Variants in GPC5 observed in about 807,000 individuals in gnomAD.
GPC5 encodes the protein glypican 5.
GPC5 carries 47 observed loss-of-function variants against 53.9 expected under a neutral mutation model. The ratio of observed to expected loss-of-function variants is 0.87; its 90% confidence interval spans 0.69 to 1.11. The LOEUF is 1.11. Among genes scored for constraint, GPC5 ranks in the 50% most tolerant of loss-of-function variants. The pLI, the probability that GPC5 is intolerant of heterozygous loss-of-function variation, is 0.00. For synonymous variants in GPC5, 286 were observed against 263.3 expected (o/e 1.09, Z -0.84); for missense variants, 748 against 713.1 (o/e 1.05, Z -0.56).
intron 1 of GPC5, among the ~76,000 whole-genome samples, chr13:91,433,464 C>T (rs1407613817): frequency 6.7e-6 from 1 of 149,762 alleles, no homozygotes; most frequent in East Asian, 2.0e-4. Flanking sequence ...GGTTTTTTGT[C>T]CTCGTGATAG....
At position 91,994,325 on chromosome 13, in the gene GPC5, A is replaced by G. The variant is rs185610553; in HGVS notation, c.1401+86268A>G. ...TATCCATAATTGTGCCTGACACGTT[A>G]CTACTGCATCATCTAAGCTACAAAT... On this transcript the variant is annotated intron_variant, in intron 6 of 7. Coordinates refer to ENST00000377067, the MANE Select transcript of GPC5 (RefSeq NM_004466.6). 8.5e-4 allele frequency among the ~76,000 whole-genome samples: 130 copies of G among 152,332 alleles called. 1 individual carries two copies. The highest frequency in any genetic ancestry group is 3.0e-3 in the African/African-American group (123 of 41,582).
chr13:92,397,362 C>T (rs1479105148), intron 7 of GPC5, among the ~76,000 whole-genome samples: 1 of 152,182 alleles, frequency 6.6e-6, no homozygotes. Flanking sequence ...TTACTTGGCT[C>T]TCTAATTCTC....
chr13:92,156,456 T>C (rs1487151674), intron 7 of GPC5, among the ~76,000 whole-genome samples: 1 of 152,152 alleles, frequency 6.6e-6, no homozygotes, highest in Non-Finnish European at 1.5e-5. Context: ...GCTGCATTGC[T>C]TCCCTCTGTT....
chr13:92,479,384 T>A (rs1879267218), intron 7 of GPC5, among the ~76,000 whole-genome samples: 2 of 152,178 alleles, frequency 1.3e-5, no homozygotes, highest in Non-Finnish European at 2.9e-5. Flanking sequence ...TTGTAGGACA[T>A]TTTGGACAAG....
chr13:92,199,936 A>G (rs1035459370), intron 7 of GPC5, among the ~76,000 whole-genome samples: 5 of 152,206 alleles, frequency 3.3e-5, no homozygotes, highest in Non-Finnish European at 5.9e-5. Context: ...CATTTTTTAA[A>G]ATAAAACTTT....
intron 2 of GPC5, among the ~76,000 whole-genome samples, chr13:91,655,697 G>T (rs1313156510): frequency 6.6e-6 from 1 of 151,954 alleles, no homozygotes; most frequent in Non-Finnish European, 1.5e-5. Context: ...TATTACTAAG[G>T]ATGAGTTCTA....
intron 2 of GPC5, among the ~76,000 whole-genome samples, chr13:91,571,634 A>G (rs1415661294): frequency 2.0e-5 from 3 of 151,714 alleles, no homozygotes; most frequent in African/African-American, 7.3e-5. Context: ...CTGAGGCAGG[A>G]GAATCACTTG....
intron 7 of GPC5, among the ~76,000 whole-genome samples, chr13:92,217,704 G>A (rs2042420715): frequency 1.3e-5 from 2 of 151,966 alleles, no homozygotes; most frequent in Admixed American, 6.6e-5. Flanking sequence ...CATTATCCCT[G>A]AATATTTTTT....
chr13:92,863,340 T>C (rs1379886633), intron 7 of GPC5, among the ~76,000 whole-genome samples: 1 of 152,154 alleles, frequency 6.6e-6, no homozygotes, highest in African/African-American at 2.4e-5. Context: ...TAACAGTGCC[T>C]ATTTTATGCG....
chr13:92,003,111 G>C (rs926353620), intron 6 of GPC5, among the ~76,000 whole-genome samples: 3 of 152,088 alleles, frequency 2.0e-5, no homozygotes, highest in Non-Finnish European at 4.4e-5. Context: ...TGGAGTTCGA[G>C]ACCAGCTTGG....
chr13:92,282,491 A>C (rs1480373668), intron 7 of GPC5, among the ~76,000 whole-genome samples: 6 of 152,304 alleles, frequency 3.9e-5, no homozygotes, highest in African/African-American at 1.4e-4. Context: ...TAAGGGCAGC[A>C]AGAGAGAAAG....
chr13:92,159,477 C>A (rs1056581572), intron 7 of GPC5, among the ~76,000 whole-genome samples: 1 of 151,994 alleles, frequency 6.6e-6, no homozygotes, highest in Non-Finnish European at 1.5e-5. Context: ...GCAACATTCC[C>A]GTTGTCCATT....
At chr13:92,137,729 A>T (rs1392490032) in intron 6 of GPC5, among the ~76,000 whole-genome samples, 2 of 152,310 alleles carry the variant, frequency 1.3e-5, no homozygotes, top group Non-Finnish European at 2.9e-5. Context: ...GGGCTTAAGC[A>T]ATCCTCCCAC....
chr13:92,797,032 T>G (rs1876710149), intron 7 of GPC5, among the ~76,000 whole-genome samples: 1 of 151,898 alleles, frequency 6.6e-6, no homozygotes, highest in Non-Finnish European at 1.5e-5. Flanking sequence ...AACTCACAAG[T>G]GTTTTGTAAT....
intron 6 of GPC5, among the ~76,000 whole-genome samples, chr13:91,957,744 G>T (rs2040087085): frequency 6.6e-6 from 1 of 151,992 alleles, no homozygotes; most frequent in Admixed American, 6.6e-5. Context: ...ACATACAAAA[G>T]CTGAGTGGAT....
intron 7 of GPC5, among the ~76,000 whole-genome samples, chr13:92,735,672 G>A (rs550286587): frequency 1.1e-4 from 16 of 152,116 alleles, no homozygotes; most frequent in African/African-American, 3.9e-4. Flanking sequence ...TCTGGAACTA[G>A]ATCCAGGTCT....
chr13:92,115,961 G>A (rs932582251), intron 6 of GPC5, among the ~76,000 whole-genome samples: 2 of 152,086 alleles, frequency 1.3e-5, no homozygotes, highest in African/African-American at 4.8e-5. Flanking sequence ...CTTACAAGAA[G>A]AGGAGATAGC....
chr13:92,520,480 C>G (rs1219178465), intron 7 of GPC5, among the ~76,000 whole-genome samples: 2 of 152,100 alleles, frequency 1.3e-5, no homozygotes, highest in African/African-American at 4.8e-5. Flanking sequence ...TCAACATACA[C>G]AAATCAATAA....
chr13:91,473,653 T>A (rs1025424897), intron 2 of GPC5, among the ~76,000 whole-genome samples: 18 of 152,102 alleles, frequency 1.2e-4, no homozygotes, highest in Non-Finnish European at 2.6e-4. Flanking sequence ...CAACACAGCT[T>A]CAAAACAGAG....
Sources: allele counts gnomAD v4.1 joint callset (sites outside exome capture counted in the v4.1 genomes callset), GRCh38; gene constraint gnomAD v4.1.1; transcripts MANE v1.5; gene names NCBI Gene and HGNC (gene_info 2026-07-23, HGNC 2026-07-21).